CNTN5: variants seen among roughly 807,000 people sequenced by gnomAD.
The protein encoded by CNTN5 is contactin-5.
CNTN5 carries 77 observed loss-of-function variants against 129.1 expected under a neutral mutation model. That is an observed-to-expected ratio of 0.60 (90% CI 0.50 to 0.72). The LOEUF (loss-of-function observed/expected upper bound fraction) is 0.72, where lower values mean the gene tolerates loss of function less well. Ranked by LOEUF, CNTN5 falls within the 30% of genes least tolerant of loss-of-function variation. CNTN5 has a pLI of 0.00. For missense variants in CNTN5, 1,478 were observed against 1,328.8 expected, an observed-to-expected ratio of 1.11 and a Z score of -1.75; for synonymous variants, 509 against 465.6, an observed-to-expected ratio of 1.09 and a Z score of -1.20.
chr11:99,980,350 C>T (rs889924723), intron 8 of CNTN5, among the ~76,000 whole-genome samples: 1 of 152,178 alleles, frequency 6.6e-6, no homozygotes, highest in Non-Finnish European at 1.5e-5. Flanking sequence ...TTATTTAAGC[C>T]TGTGAAACCA....
At chr11:99,696,366 TTTTG>T (rs1177200335) in intron 3 of CNTN5, among the ~76,000 whole-genome samples, 2 of 152,128 alleles carry the variant, frequency 1.3e-5, no homozygotes, top group Admixed American at 1.3e-4. Flanking sequence ...TCATTGTCAT[TTTTG>T]TTTGACAGAG....
intron 4 of CNTN5, among the ~76,000 whole-genome samples, chr11:99,835,340 G>A (rs557004406): frequency 6.6e-6 from 1 of 152,320 alleles, no homozygotes; most frequent in South Asian, 2.1e-4. Context: ...TGTGAGGTAG[G>A]GTTGGGATGA....
intron 3 of CNTN5, among the ~76,000 whole-genome samples, chr11:99,649,351 T>C (rs1952076238): frequency 2.0e-5 from 3 of 151,784 alleles, no homozygotes; most frequent in Admixed American, 6.6e-5. Context: ...AGAATCCCAC[T>C]GAAATTCTGA....
At chr11:99,588,787 G>T (rs889289163) in intron 3 of CNTN5, among the ~76,000 whole-genome samples, 2 of 152,062 alleles carry the variant, frequency 1.3e-5, no homozygotes, top group African/African-American at 4.8e-5. Context: ...ACACAGTGAA[G>T]CAGGTCTCAC....
In CNTN5 at chr11:99,079,505, T is replaced by C. The variant is rs193176870; in HGVS notation, c.-210+58235T>C. ...TCAAGTGAATCTATGGGGCCAAAAG[T>C]ACAGAAAGTTCAAAATCAGTAGGAT... On this transcript the variant is annotated intron_variant, in intron 1 of 24. Transcript: ENST00000524871. Among the ~76,000 whole-genome samples the C allele has an allele frequency of 3.6e-3, 546 of 152,292 alleles. 2 individuals carry two copies. Among genetic ancestry groups the C allele is most frequent in the Non-Finnish European group, 6.0e-3 (405 of 68,016 alleles).
rs145095451 is a variant in CNTN5, at chr11:99,844,165, A to G, written c.278-687A>G. On this transcript the variant is annotated intron_variant, in intron 4 of 24. Transcript: ENST00000524871. Reference sequence around the variant, plus strand: ...TCGAGTGTCTGGTATATAGTAGGCAATAAATTTATGTGCTCTTCCCACTGG... The same window carrying G: ...TCGAGTGTCTGGTATATAGTAGGCAGTAAATTTATGTGCTCTTCCCACTGG... Among the ~76,000 whole-genome samples the G allele has an allele frequency of 6.5e-4, 99 of 152,338 alleles. No individual in the cohort carries two copies. In the East Asian group the frequency reaches 0.018, roughly 27 times the overall value.
chr11:99,626,962 T>A (rs1020593131), intron 3 of CNTN5, among the ~76,000 whole-genome samples: 6 of 152,140 alleles, frequency 3.9e-5, no homozygotes, highest in Admixed American at 2.0e-4. Context: ...TATATTATCC[T>A]TAGTCAGCTC....
At chr11:99,640,130 C>T (rs1951716695) in intron 3 of CNTN5, among the ~76,000 whole-genome samples, 1 of 152,174 alleles carries the variant, frequency 6.6e-6, no homozygotes. Context: ...CTAAGAAGTT[C>T]CAAACTCTCC....
intron 13 of CNTN5, among the ~76,000 whole-genome samples, chr11:100,150,147 C>A (rs140881995): frequency 1.3e-5 from 2 of 152,174 alleles, no homozygotes; most frequent in East Asian, 1.9e-4. Context: ...TAGCAGAATG[C>A]GCTTTTGCAT....
intron 1 of CNTN5, among the ~76,000 whole-genome samples, chr11:99,275,916 T>A (rs565394351): frequency 1.3e-5 from 2 of 151,588 alleles, no homozygotes; most frequent in Admixed American, 1.3e-4. Flanking sequence ...TGAAAGAACA[T>A]GGATACAGAA....
At chr11:99,269,366 G>T (rs557630702) in intron 1 of CNTN5, among the ~76,000 whole-genome samples, 4 of 149,492 alleles carry the variant, frequency 2.7e-5, no homozygotes, top group African/African-American at 4.9e-5. Flanking sequence ...TTTTTAAATC[G>T]TGGGGGAGAT....
intron 1 of CNTN5, among the ~76,000 whole-genome samples, chr11:99,324,911 G>A (rs761633768): frequency 3.9e-5 from 6 of 152,094 alleles, no homozygotes; most frequent in Non-Finnish European, 5.9e-5. Flanking sequence ...AAAGTGCCTG[G>A]ATTACAGGTG....
At chr11:99,208,593 CACTT>C (rs796215144) in intron 1 of CNTN5, among the ~76,000 whole-genome samples, 5 of 152,200 alleles carry the variant, frequency 3.3e-5, no homozygotes, top group African/African-American at 7.2e-5. Flanking sequence ...TGTTTATAAA[CACTT>C]ACTTGATTCC....
chr11:99,867,112 G>T (rs1240860780), intron 6 of CNTN5, among the ~76,000 whole-genome samples: 5 of 152,168 alleles, frequency 3.3e-5, no homozygotes, highest in Admixed American at 1.3e-4. Context: ...TGACTTCAAA[G>T]CTTGTGTCCT....
At chr11:99,278,596 T>C (rs1484144162) in intron 1 of CNTN5, among the ~76,000 whole-genome samples, 1 of 151,672 alleles carries the variant, frequency 6.6e-6, no homozygotes, top group Admixed American at 6.6e-5. Flanking sequence ...TGATCTTTCA[T>C]AGGCACTTTA....
chr11:99,422,747 T>C (rs551436990), intron 2 of CNTN5, among the ~76,000 whole-genome samples: 3 of 151,942 alleles, frequency 2.0e-5, no homozygotes, highest in African/African-American at 7.2e-5. Context: ...GGGATGAGTT[T>C]GCAGGAAGAC....
chr11:99,862,187 G>A (rs1258144926), intron 6 of CNTN5, among the ~76,000 whole-genome samples: 1 of 152,088 alleles, frequency 6.6e-6, no homozygotes, highest in Non-Finnish European at 1.5e-5. Context: ...TATTTAATAT[G>A]ATACTTCCTT....
At chr11:100,087,396 CA>C (rs371667559) in intron 13 of CNTN5, among the ~76,000 whole-genome samples, 1 of 150,518 alleles carries the variant, frequency 6.6e-6, no homozygotes, top group African/African-American at 2.4e-5. Flanking sequence ...AAATTTCTAC[CA>C]AAAAAAATAA....
At chr11:99,677,721 C>CT (rs147583164) in intron 3 of CNTN5, among the ~76,000 whole-genome samples, 7,449 of 152,136 alleles carry the variant, frequency 0.049, 608 homozygotes, top group African/African-American at 0.17. Context: ...CTACATCCTT[C>CT]TTTTTCCAGA....
Sources: gnomAD v4.1 joint callset for allele counts (sites outside exome capture counted in the v4.1 genomes callset) on GRCh38, gnomAD v4.1.1 for gene constraint, MANE v1.5 for transcripts, NCBI Gene and HGNC (gene_info 2026-07-23, HGNC 2026-07-21) for gene names.